TCF20: variants seen among roughly 807,000 people sequenced by gnomAD.
TCF20 encodes the protein transcription factor 20.
Under a neutral mutation model 148.6 loss-of-function variants are expected in TCF20, and 3 were observed. That is an observed-to-expected ratio of 0.02 (90% CI 0.01 to 0.05). The LOEUF (loss-of-function observed/expected upper bound fraction) is 0.05, where lower values mean the gene tolerates loss of function less well. Ranked by LOEUF, TCF20 falls within the 10% of genes least tolerant of loss-of-function variation. TCF20 has a pLI of 1.00. For missense variants in TCF20, 2,350 were observed against 2,429.3 expected (o/e 0.97, Z 0.69); for synonymous variants, 1,049 against 909.5 (o/e 1.15, Z -2.76).
At chr22:42,231,496 T>C (rs1016988470) in intron 1 of TCF20, among the ~76,000 whole-genome samples, 4 of 151,930 alleles carry the variant, frequency 2.6e-5, no homozygotes, top group African/African-American at 9.7e-5. Flanking sequence ...TAATTAATAA[T>C]AATCATAAAA....
At chr22:42,319,672 C>T (rs1273842347) in intron 1 of TCF20, among the ~76,000 whole-genome samples, 1 of 152,222 alleles carries the variant, frequency 6.6e-6, no homozygotes, top group Non-Finnish European at 1.5e-5. Context: ...GTATCAGGAT[C>T]CCCATTTCCC....
chr22:42,294,798 G>A (rs1399946713), intron 1 of TCF20, among the ~76,000 whole-genome samples: 5 of 152,242 alleles, frequency 3.3e-5, no homozygotes, highest in African/African-American at 4.8e-5. Flanking sequence ...CGCCTGGACT[G>A]TCCAACTGCA....
At chr22:42,215,417 GAATA>G (rs377729789) in intron 1 of TCF20, 76 bp from the exon 2 acceptor site, 17 of 1,469,700 alleles carry the variant, frequency 1.2e-5, no homozygotes, top group Middle Eastern at 2.4e-4. Context: ...ATGATGGAGG[GAATA>G]AAGATGAATC....
chr22:42,229,034 C>T (rs946899220), intron 1 of TCF20, among the ~76,000 whole-genome samples: 1 of 152,116 alleles, frequency 6.6e-6, no homozygotes, highest in African/African-American at 2.4e-5. Flanking sequence ...GATTTAAAAC[C>T]ACTGGTCTAG....
intron 1 of TCF20, among the ~76,000 whole-genome samples, chr22:42,265,995 G>A (rs1314094185): frequency 1.3e-5 from 2 of 151,832 alleles, no homozygotes; most frequent in African/African-American, 4.8e-5. Context: ...ACTCCCAGGG[G>A]GTCACAAAAC....
chr22:42,295,226 C>T (rs1352680435), intron 1 of TCF20, among the ~76,000 whole-genome samples: 1 of 152,142 alleles, frequency 6.6e-6, no homozygotes, highest in African/African-American at 2.4e-5. Flanking sequence ...GTGAAGCATA[C>T]AGCTGCCCCT....
At position 42,290,892 on chromosome 22, in the gene TCF20, C is replaced by T. The variant is rs1310762098; in HGVS notation, c.-37+52587G>A. Among the ~76,000 whole-genome samples the T allele has an allele frequency of 1.3e-5, 2 of 152,218 alleles. No homozygotes were observed. The highest frequency in any genetic ancestry group is 2.9e-5 in the Non-Finnish European group (2 of 68,034). ...CTGGGAGGACTCACATCTTCAGGGG[C>T]TTTGCAAAGCACCCCCTCTTACCTT... On this transcript the variant is annotated intron_variant, in intron 1 of 1. Transcript: ENST00000515426. The surrounding 1 kb of genome is among the most constrained non-coding windows in gnomAD (Gnocchi z 4.2).
Position 42,213,301 on chromosome 22 carries a change from C to T in TCF20, c.2005G>A (p.Gly669Ser). Reference sequence around the variant, plus strand: ...CCATTATGGTTGGAGTTGTTATCGCCATTCTTGTTTCCTTTGCTCCCTCCT... The same window carrying T: ...CCATTATGGTTGGAGTTGTTATCGCTATTCTTGTTTCCTTTGCTCCCTCCT... Reference protein sequence around the residue: ...GGGGSKGNKNGDNNSNHNGEG... With the variant: ...GGGGSKGNKNSDNNSNHNGEG... Residue 669 changes from glycine (G) to serine (S), a missense_variant, in exon 2 of 6, where the codon GGC becomes AGC. Gly to Ser is a moderately conservative substitution (Grantham distance 56, BLOSUM62 0). Transcript: ENST00000677622. 6.2e-7 allele frequency: 1 copy of T among 1,614,174 alleles called. No individual in the cohort carries two copies. Among genetic ancestry groups the T allele is most frequent in the Non-Finnish European group, 8.5e-7 (1 of 1,180,050 alleles).
intron 1 of TCF20, among the ~76,000 whole-genome samples, chr22:42,252,347 T>G (rs34107327): frequency 0.18 from 27,327 of 151,942 alleles, 2,681 homozygotes; most frequent in East Asian, 0.34. Flanking sequence ...TAAACCCGTC[T>G]GAAACAACTA....
chr22:42,334,584 C>T lies in TCF20; in HGVS notation c.-37+8895G>A, dbSNP rs1180379423. Among the ~76,000 whole-genome samples the T allele has an allele frequency of 2.6e-5, 4 of 152,266 alleles. No individual in the cohort carries two copies. The East Asian group carries it at 7.7e-4, about 29-fold the overall frequency. ...AGGGAGGTGGTTCCGAGTCAACAAC[C>T]GCTCCAGCCCTTACACACTCGGCAC... is the stretch of plus-strand genomic sequence containing the variant. On this transcript the variant is annotated intron_variant, in intron 1 of 1. Transcript: ENST00000515426.
chr22:42,268,169 A>C (rs1926395662), intron 1 of TCF20, among the ~76,000 whole-genome samples: 1 of 152,328 alleles, frequency 6.6e-6, no homozygotes, highest in Non-Finnish European at 1.5e-5. Flanking sequence ...ATAAAAGGGG[A>C]TTTAATTTTA....
intron 1 of TCF20, among the ~76,000 whole-genome samples, chr22:42,281,441 G>A (rs915273633): frequency 6.6e-6 from 1 of 152,168 alleles, no homozygotes. Context: ...GTGAAACAAG[G>A]GCCCCACTTC....
intron 2 of TCF20, among the ~76,000 whole-genome samples, chr22:42,200,707 T>C (rs1937948735): frequency 6.7e-6 from 1 of 148,974 alleles, no homozygotes; most frequent in Non-Finnish European, 1.5e-5. Flanking sequence ...ATCCATCCAA[T>C]CCTTCTGACT....
chr22:42,195,663 C>A (rs1937566984), intron 2 of TCF20, among the ~76,000 whole-genome samples: 1 of 152,100 alleles, frequency 6.6e-6, no homozygotes, highest in Non-Finnish European at 1.5e-5. Flanking sequence ...CCATGCCCAG[C>A]TAACTTCTGT....
At chr22:42,200,818 CCT>C (rs1291883687) in intron 2 of TCF20, among the ~76,000 whole-genome samples, 4 of 152,178 alleles carry the variant, frequency 2.6e-5, no homozygotes, top group African/African-American at 7.2e-5. Context: ...CTACTTATTT[CCT>C]GAGTTTCCTT....
chr22:42,246,476 T>C (rs1924915045), intron 1 of TCF20, among the ~76,000 whole-genome samples: 1 of 152,134 alleles, frequency 6.6e-6, no homozygotes, highest in Non-Finnish European at 1.5e-5. Context: ...CCACCAAAAC[T>C]AATCCTTGGA....
At chr22:42,174,895 C>T (rs1049863024) in intron 3 of TCF20, among the ~76,000 whole-genome samples, 30 of 152,098 alleles carry the variant, frequency 2.0e-4, no homozygotes, top group South Asian at 1.2e-3. Flanking sequence ...ATTAGCCGGG[C>T]GTGGCGGCGG....
At position 42,225,342 on chromosome 22, in the gene TCF20, C is replaced by G. The variant is rs1404022423; in HGVS notation, c.-36-10001G>C. 5.9e-5 allele frequency among the ~76,000 whole-genome samples: 9 copies of G among 151,772 alleles called. No individual in the cohort carries two copies. The East Asian group carries it at 1.8e-3, about 30-fold the overall frequency. On this transcript the variant is annotated intron_variant, in intron 1 of 5. Coordinates refer to ENST00000677622, the MANE Select transcript of TCF20 (RefSeq NM_001378418.1). ...AAAATTACAACCCTTAGGCCGGGCG[C>G]GGTGGCTCACACCTGTAATCCCAGC...
chr22:42,168,738 T>C lies in TCF20; in HGVS notation c.5800-2A>G. On this transcript the variant is annotated splice_acceptor_variant, in intron 4 of 5. Transcript: ENST00000677622. LOFTEE classifies it high-confidence loss of function. ...GGGGAGAGGGCACGGAAGGGGAGGC[T>C]GACACGGGCAAAACCAAGAGGAGAC... 1 of 1,607,120 alleles carries C rather than the reference T, an allele frequency of 6.2e-7. No individual in the cohort carries two copies. Among genetic ancestry groups the C allele is most frequent in the Non-Finnish European group, 8.5e-7 (1 of 1,177,038 alleles).
Sources: allele counts gnomAD v4.1 joint callset (sites outside exome capture counted in the v4.1 genomes callset), GRCh38; gene constraint gnomAD v4.1.1; non-coding constraint Gnocchi (gnomAD v3.1); transcripts MANE v1.5; gene names NCBI Gene and HGNC (gene_info 2026-07-23, HGNC 2026-07-21).